The following CHD3 variants were observed in gnomAD, a reference collection of about 807,000 sequenced individuals.
CHD3 encodes chromodomain helicase DNA binding protein 3.
Under a neutral mutation model 248.9 loss-of-function variants are expected in CHD3, and 52 were observed. That is an observed-to-expected ratio of 0.21 (90% CI 0.17 to 0.26). The LOEUF (loss-of-function observed/expected upper bound fraction) is 0.26, where lower values mean the gene tolerates loss of function less well. Ranked by LOEUF, CHD3 falls within the 10% of genes least tolerant of loss-of-function variation. The pLI, the probability that CHD3 is intolerant of heterozygous loss-of-function variation, is 1.00. For missense variants in CHD3, 1,482 were observed against 2,605.8 expected, an observed-to-expected ratio of 0.57 and a Z score of 9.39; for synonymous variants, 985 against 985.2, an observed-to-expected ratio of 1.00 and a Z score of 0.00.
chr17:7,903,722 C>G lies in CHD3; in HGVS notation c.3728-103C>G. 7.7e-7 allele frequency: 1 copy of G among 1,306,452 alleles called. No homozygotes were observed. Among genetic ancestry groups the G allele is most frequent in the South Asian group, 1.4e-5 (1 of 69,398 alleles). 80.9% of individuals were successfully genotyped at this position (1,306,452 alleles called of 1,614,324 possible). Reference sequence around the variant, plus strand: ...TCAACATTGGCTCCCGGGGAAAAAGCCTTCTCTAGGGCTCCTGTGAAAAGG... The same window carrying G: ...TCAACATTGGCTCCCGGGGAAAAAGGCTTCTCTAGGGCTCCTGTGAAAAGG... On this transcript the variant is annotated intron_variant, in intron 23 of 39. Transcript: ENST00000330494. The surrounding 1 kb of genome is among the most constrained non-coding windows in gnomAD (Gnocchi z 6.8).
At position 7,899,355 on chromosome 17, in the gene CHD3, G is replaced by T; in HGVS notation, c.2356G>T (p.Gly786Cys). The T allele has an allele frequency of 6.2e-7, 1 of 1,614,052 alleles. No homozygotes were observed. The highest frequency in any genetic ancestry group is 8.5e-7 in the Non-Finnish European group (1 of 1,180,000). The change falls in exon 15 of 40, where the codon GGT becomes TGT. Residue 786 changes from glycine to cysteine, a missense_variant. Gly to Cys is a radical substitution (Grantham distance 159, BLOSUM62 -3). This residue lies in a region of CHD3 where 18 missense variants were observed against 88.8 expected (regional missense o/e 0.20). Coordinates refer to ENST00000330494, the MANE Select transcript of CHD3 (RefSeq NM_001005273.3). The surrounding 1 kb of genome is among the most constrained non-coding windows in gnomAD (Gnocchi z 6.8). ...YSLYKEGHTK[G>C]PFLVSAPLST... ...TCTTGACTCCCAGGGCCACACAAAA[G>T]GTCCCTTCCTGGTGAGTGCCCCACT...
chr17:7,901,021 G>C (rs749927725), intron 19 of CHD3, 28 bp downstream of exon 19: 1 of 1,603,162 alleles, frequency 6.2e-7, no homozygotes, highest in Admixed American at 1.7e-5. Flanking sequence ...GGAGCTGATC[G>C]AACGCCCATT....
rs1470390787 is a variant in CHD3 at position 7,908,113 on chromosome 17, ATTCCAAGTAAC to A, written c.5152+101_5152+111del. On this transcript the variant is annotated intron_variant, in intron 34 of 39. Transcript: ENST00000330494. The surrounding 1 kb of genome is among the most constrained non-coding windows in gnomAD (Gnocchi z 5.8). ...TGCCTGAGGCTTCCTGCTACCTTTA[ATTCCAAGTAAC>A]TTCCAATGAAGTATGTTGCATGCTG... 5.6e-6 allele frequency: 8 copies of A among 1,416,872 alleles called. No individual in the cohort carries two copies. Among genetic ancestry groups the A allele is most frequent in the Non-Finnish European group, 7.7e-6 (8 of 1,044,666 alleles). The allele number at this position is 1,416,872 out of a possible 1,614,324, so 87.8% of individuals were successfully genotyped here. A position where few individuals can be genotyped will look rare whatever the true frequency, so the allele number is the denominator to read the frequency against.
At position 7,897,190 on chromosome 17, in the gene CHD3, C is replaced by G; in HGVS notation, c.1815C>G (p.Asp605Glu). 1 of 1,614,164 alleles carries G rather than the reference C, an allele frequency of 6.2e-7. No individual in the cohort carries two copies. The highest frequency in any genetic ancestry group is 8.5e-7 in the Non-Finnish European group (1 of 1,180,026). Residue 605 changes from aspartate to glutamate, a missense_variant, in exon 11 of 40, where the codon GAC (aspartate) becomes GAG (glutamate). This residue lies in a region of CHD3 where 127 missense variants were observed against 188.3 expected (regional missense o/e 0.67). Coordinates refer to ENST00000330494, the MANE Select transcript of CHD3 (RefSeq NM_001005273.3). The surrounding 1 kb of genome is among the most constrained non-coding windows in gnomAD (Gnocchi z 4.8). ...CCGGCGAGGATGATGGGAAGAGCGACAAGCGTAAAGTGAAAGACCCGCACT... is the reference window on the plus strand; with the variant it reads ...CCGGCGAGGATGATGGGAAGAGCGAGAAGCGTAAAGTGAAAGACCCGCACT... ...YGSGEDDGKS[D>E]KRKVKDPHYA...
intron 20 of CHD3, among the ~76,000 whole-genome samples, chr17:7,901,814 G>A (rs1211902557): frequency 6.6e-6 from 1 of 152,040 alleles, no homozygotes; most frequent in Admixed American, 6.6e-5. Context: ...CTTGGCCTCT[G>A]ATGCCTGTTC....
chr17:7,891,687 C>A (rs1173398335), intron 4 of CHD3, among the ~76,000 whole-genome samples: 1 of 151,988 alleles, frequency 6.6e-6, no homozygotes, highest in Admixed American at 6.6e-5. Context: ...ATGGTGAAAC[C>A]CCGTCTCTAC....
chr17:7,893,904 T>A lies in CHD3; in HGVS notation c.893T>A (p.Leu298His). 2 of 1,599,424 alleles carry A rather than the reference T, an allele frequency of 1.3e-6. No individual in the cohort carries two copies. The highest frequency in any genetic ancestry group is 2.2e-5 in the South Asian group (2 of 90,678). ...KMAPLKIKLG[L>H]LGGKRKKGGS... ...GCACCACTCAAAATAAAACTAGGGC[T>A]TCTGGGTGGCAAGAGGAAGAAAGGA... The change falls in exon 6 of 40, where the codon CTT (leucine) becomes CAT (histidine). Residue 298 changes from leucine to histidine, a missense_variant. Physicochemically the swap from Leu to His is moderately conservative, Grantham distance 99. This residue lies in a region of CHD3 where 149 missense variants were observed against 182.6 expected (regional missense o/e 0.82). Coordinates refer to ENST00000330494, the MANE Select transcript of CHD3 (RefSeq NM_001005273.3).
chr17:7,907,855 T>C lies in CHD3; in HGVS notation c.5027-39T>C, dbSNP rs1971185939. On this transcript the variant is annotated intron_variant, in intron 33 of 39. Coordinates refer to ENST00000330494, the MANE Select transcript of CHD3 (RefSeq NM_001005273.3). The surrounding 1 kb of genome is among the most constrained non-coding windows in gnomAD (Gnocchi z 4.3). ...GTAGTCTTGGGACCTGGGAGGAGGG[T>C]GTCCTGAGGTGTGAGCTTTGACCTG... is the stretch of plus-strand genomic sequence containing the variant. The C allele has an allele frequency of 6.3e-6, 10 of 1,588,004 alleles. No homozygotes were observed. The East Asian group carries it at 1.8e-4, about 29-fold the overall frequency.
rs771002766 is a variant in CHD3 at position 7,904,016 on chromosome 17, TTATC to T, written c.3894+30_3894+33del. 2.5e-5 allele frequency: 40 copies of T among 1,610,360 alleles called. No individual in the cohort carries two copies. Among genetic ancestry groups the T allele is most frequent in the Non-Finnish European group, 3.3e-5 (39 of 1,177,840 alleles). ...GGTGAGAGGCTTTGGGGGCCAGACATTATCTATCCCAGGCCATCTCCAAAAGGCA... is the reference window on the plus strand; with the variant it reads ...GGTGAGAGGCTTTGGGGGCCAGACATTATCCCAGGCCATCTCCAAAAGGCA... On this transcript the variant is annotated intron_variant, in intron 24 of 39. Coordinates refer to ENST00000330494, the MANE Select transcript of CHD3 (RefSeq NM_001005273.3). The surrounding 1 kb of genome is among the most constrained non-coding windows in gnomAD (Gnocchi z 4.4).
rs146077055 is a variant in CHD3, at chr17:7,905,588, G to A, written c.4139-33G>A. The A allele has an allele frequency of 1.3e-6, 2 of 1,513,860 alleles. No individual in the cohort carries two copies. Among genetic ancestry groups the A allele is most frequent in the Admixed American group, 2.0e-5 (1 of 50,994 alleles). 93.8% of individuals were successfully genotyped at this position (1,513,860 alleles called of 1,614,324 possible). A position where few individuals can be genotyped will look rare whatever the true frequency, so the allele number is the denominator to read the frequency against. On this transcript the variant is annotated intron_variant, in intron 26 of 39. Transcript: ENST00000330494. This position sits in a 1 kb window ranked among gnomAD's most constrained non-coding sequence, Gnocchi z 5.8. ...AGGACTGAGGCTTAGAGGAGGTGGT[G>A]GCTCAGCTAACTGATGTCATCCCCA...
chr17:7,884,926 C>G, upstream of CHD3: 4 of 1,399,098 alleles, frequency 2.9e-6, no homozygotes, highest in South Asian at 1.5e-5. Context: ...AGGCGGCCGA[C>G]GAGGACGATG....
rs537697178 is a variant in CHD3, at chr17:7,911,087, G to T, written c.5881+114G>T. Reference sequence around the variant, plus strand: ...CCATCTCATTTCCTTGGTGGTATCCGGTGTTTTATGGGATAGAGTTGTTCT... The same window carrying T: ...CCATCTCATTTCCTTGGTGGTATCCTGTGTTTTATGGGATAGAGTTGTTCT... On this transcript the variant is annotated intron_variant, in intron 39 of 39. Coordinates refer to ENST00000330494, the MANE Select transcript of CHD3 (RefSeq NM_001005273.3). The surrounding 1 kb of genome is among the most constrained non-coding windows in gnomAD (Gnocchi z 5.4). The T allele has an allele frequency of 1.4e-6, 2 of 1,422,338 alleles. No homozygotes were observed. Among genetic ancestry groups the T allele is most frequent in the Non-Finnish European group, 1.9e-6 (2 of 1,025,668 alleles). The allele number at this position is 1,422,338 out of a possible 1,614,324, so 88.1% of individuals were successfully genotyped here.
At position 7,903,763 on chromosome 17, in the gene CHD3, T is replaced by C. The variant is rs1430916981; in HGVS notation, c.3728-62T>C. 3 of 1,569,286 alleles carry C rather than the reference T, an allele frequency of 1.9e-6. No individual in the cohort carries two copies. The highest frequency in any genetic ancestry group is 2.7e-5 in the African/African-American group (2 of 73,968). On this transcript the variant is annotated intron_variant, in intron 23 of 39. Coordinates refer to ENST00000330494, the MANE Select transcript of CHD3 (RefSeq NM_001005273.3). This position sits in a 1 kb window ranked among gnomAD's most constrained non-coding sequence, Gnocchi z 6.8. ...TGTGAAAAGGACGCAGAGTAGAAGC[T>C]TTCCCATCAGCCTTTCTAAACTTTG...
rs539992055 is a variant in CHD3 at position 7,896,159 on chromosome 17, C to T, written c.1707+617C>T. 4.3e-4 allele frequency among the ~76,000 whole-genome samples: 59 copies of T among 138,378 alleles called. No individual in the cohort carries two copies. In the South Asian group the frequency reaches 6.6e-3, roughly 16 times the overall value. 90.8% of individuals were successfully genotyped at this position (138,378 alleles called of 152,430 possible). On this transcript the variant is annotated intron_variant, in intron 10 of 39. Coordinates refer to ENST00000330494, the MANE Select transcript of CHD3 (RefSeq NM_001005273.3). Reference sequence around the variant, plus strand: ...AGGAGAATGGCGTGAACCCGGGAGGCGGAGCTTGCAGTGAGCCAAGATCGT... The same window carrying T: ...AGGAGAATGGCGTGAACCCGGGAGGTGGAGCTTGCAGTGAGCCAAGATCGT...
At chr17:7,885,070 GC>G, upstream of CHD3, 1 of 980,482 alleles carries the variant, frequency 1.0e-6, no homozygotes, top group African/African-American at 1.8e-5. Flanking sequence ...CGCCGCCGCC[GC>G]CCCCGCCGCC....
In CHD3 at chr17:7,897,393, G is replaced by T. The variant is rs1027263962; in HGVS notation, c.1919+99G>T. The T allele has an allele frequency of 9.4e-6, 10 of 1,062,394 alleles. No individual in the cohort carries two copies. The African/African-American group carries it at 1.6e-4, about 17-fold the overall frequency. 65.8% of individuals were successfully genotyped at this position (1,062,394 alleles called of 1,614,324 possible). A position where few individuals can be genotyped will look rare whatever the true frequency, so the allele number is the denominator to read the frequency against. ...GTATTTGCTGATTAACCAGGTAATT[G>T]ATCTAACCTTGATAACCTCTGCTGT... On this transcript the variant is annotated intron_variant, in intron 11 of 39. Transcript: ENST00000330494. The surrounding 1 kb of genome is among the most constrained non-coding windows in gnomAD (Gnocchi z 4.8).
At position 7,893,451 on chromosome 17, in the gene CHD3, A is replaced by T; in HGVS notation, c.675A>T (p.Ser225=). 2 of 1,612,102 alleles carry T rather than the reference A, an allele frequency of 1.2e-6. No individual in the cohort carries two copies. Among genetic ancestry groups the T allele is most frequent in the Non-Finnish European group, 1.7e-6 (2 of 1,178,932 alleles). The change falls in exon 5 of 40, where the codon TCA becomes TCT. Residue 225 remains serine (S), a synonymous_variant. Coordinates refer to ENST00000330494, the MANE Select transcript of CHD3 (RefSeq NM_001005273.3). The stretch of plus-strand genomic sequence containing the variant: ...CAGCAGCTGTAGCTGAGCAGGTGTC[A>T]GCTGCTGTCTCGTCGGCCACCCCCA... The part of the protein sequence containing the change: ...AAAAAVAEQV[S]AAVSSATPIA...
rs1396566172 is a variant in CHD3, at chr17:7,899,843, G to A, written c.2545-53G>A. On this transcript the variant is annotated intron_variant, in intron 15 of 39. Transcript: ENST00000330494. The surrounding 1 kb of genome is among the most constrained non-coding windows in gnomAD (Gnocchi z 6.8). ...GGACAAGGTGTCTGGTTCTGGAGGT[G>A]TAGGTGCATGGTTGTCAGGTGGCAG... The A allele has an allele frequency of 1.9e-6, 3 of 1,595,484 alleles. No individual in the cohort carries two copies. Among genetic ancestry groups the A allele is most frequent in the South Asian group, 1.1e-5 (1 of 89,506 alleles).
chr17:7,900,167 A>G lies in CHD3; in HGVS notation c.2683-123A>G. On this transcript the variant is annotated intron_variant, in intron 16 of 39. Coordinates refer to ENST00000330494, the MANE Select transcript of CHD3 (RefSeq NM_001005273.3). This position sits in a 1 kb window ranked among gnomAD's most constrained non-coding sequence, Gnocchi z 6.5. ...TCCAGGTTGGAAGAGGGAGAGGGCC[A>G]GAGATTTGGGGCCTCTGATCCTGAG... is the stretch of plus-strand genomic sequence containing the variant. 1 of 1,529,280 alleles carries G rather than the reference A, an allele frequency of 6.5e-7. No individual in the cohort carries two copies. The highest frequency in any genetic ancestry group is 8.9e-7 in the Non-Finnish European group (1 of 1,125,438). 94.7% of individuals were successfully genotyped at this position (1,529,280 alleles called of 1,614,324 possible). A position where few individuals can be genotyped will look rare whatever the true frequency, so the allele number is the denominator to read the frequency against.
Sources: allele counts gnomAD v4.1 joint callset (sites outside exome capture counted in the v4.1 genomes callset), GRCh38; gene constraint gnomAD v4.1.1; regional missense constraint gnomAD v4.1.1; non-coding constraint Gnocchi (gnomAD v3.1); transcripts MANE v1.5; gene names NCBI Gene and HGNC (gene_info 2026-07-23, HGNC 2026-07-21).